Variants in EMC3 observed in about 807,000 individuals in gnomAD.
EMC3 encodes ER membrane protein complex subunit 3, also known as 30 kDa protein.
A neutral mutation model predicts 36.6 loss-of-function variants in EMC3; 13 were observed. The ratio of observed to expected loss-of-function variants is 0.35; its 90% CI spans 0.23 to 0.56. EMC3 has a LOEUF of 0.56. Ranked by LOEUF, EMC3 falls within the 20% of genes least tolerant of loss-of-function variation. The pLI is 0.84. For synonymous variants in EMC3, 120 were observed against 111.9 expected, an observed-to-expected ratio of 1.07 and a Z score of -0.46; for missense variants, 220 against 324.5, an observed-to-expected ratio of 0.68 and a Z score of 2.47.
chr3:9,971,097 AT>A lies in EMC3; in HGVS notation c.495-437del, dbSNP rs1409910275. On this transcript the variant is annotated intron_variant, in intron 5 of 7. Transcript: ENST00000245046. ...ACCACCATGCCTGGCTAATTTTTAT[AT>A]TTTTATTAGAGATGGGGTCTCACCA... 8.5e-5 allele frequency among the ~76,000 whole-genome samples: 13 copies of A among 152,090 alleles called. 1 individual carries two copies. The highest frequency in any genetic ancestry group is 8.5e-4 in the Admixed American group (13 of 15,256).
At chr3:10,003,229 G>A (rs1237677025) in intron 1 of EMC3, 1 of 456,708 alleles carries the variant, frequency 2.2e-6, no homozygotes, top group South Asian at 1.5e-5. Flanking sequence ...ATCCCAGGAA[G>A]CCAGTGTCAT....
intron 1 of EMC3, among the ~76,000 whole-genome samples, chr3:9,994,915 T>A (rs1191984035): frequency 6.6e-6 from 1 of 152,132 alleles, no homozygotes; most frequent in Non-Finnish European, 1.5e-5. Flanking sequence ...GAGGACTGTA[T>A]TTGTGGAAAA....
At chr3:9,991,099 A>T (rs531818515), upstream of EMC3, among the ~76,000 whole-genome samples, 503 of 152,206 alleles carry the variant, frequency 3.3e-3, no homozygotes, top group Non-Finnish European at 4.0e-3. Flanking sequence ...AAGTGCTGGG[A>T]TTACAGGTGT....
chr3:9,986,978 G>A (rs549236652), upstream of EMC3: 12 of 1,110,056 alleles, frequency 1.1e-5, no homozygotes, highest in East Asian at 6.1e-5. Context: ...CACTTTGGGA[G>A]GCCAAGGTGG....
intron 1 of EMC3, chr3:10,007,537 C>A (rs367752490): frequency 7.3e-7 from 1 of 1,367,656 alleles, no homozygotes; most frequent in Non-Finnish European, 9.8e-7. Flanking sequence ...AGCGCTCCCC[C>A]TCAGAGGCCT....
chr3:9,984,648 C>T (rs1207130864), intron 1 of EMC3, among the ~76,000 whole-genome samples: 4 of 152,220 alleles, frequency 2.6e-5, no homozygotes, highest in African/African-American at 9.7e-5. Context: ...GCCTCGGCCT[C>T]CCAAAGTGCT....
At chr3:10,004,676 T>A (rs1000783703) in intron 1 of EMC3, 9 of 152,562 alleles carry the variant, frequency 5.9e-5, no homozygotes, top group Admixed American at 2.6e-4. Context: ...CTGCCCTGTC[T>A]GTGCTTGCAG....
upstream of EMC3, among the ~76,000 whole-genome samples, chr3:9,990,150 G>C (rs955366740): frequency 6.7e-6 from 1 of 150,118 alleles, no homozygotes; most frequent in Non-Finnish European, 1.5e-5. Context: ...TCAGCCTCCC[G>C]AGTAGCTGGG....
chr3:10,002,326 T>G (rs916636445), intron 1 of EMC3, among the ~76,000 whole-genome samples: 1 of 151,518 alleles, frequency 6.6e-6, no homozygotes, highest in Admixed American at 6.6e-5. Context: ...TCTGGCTCTC[T>G]AACACAGGCT....
chr3:10,000,980 A>G (rs1347609837), intron 1 of EMC3: 2 of 281,310 alleles, frequency 7.1e-6, no homozygotes, highest in Non-Finnish European at 1.5e-5. Flanking sequence ...TGGGGCCACG[A>G]AGGTTGCCAC....
intron 1 of EMC3, chr3:10,004,372 C>T (rs1469999963): frequency 6.6e-6 from 1 of 152,156 alleles, no homozygotes; most frequent in African/African-American, 2.4e-5. Flanking sequence ...CCATGGGATT[C>T]CAGGCTGAGA....
intron 5 of EMC3, 155 bp downstream of exon 5, chr3:9,973,473 C>G (rs944039172): frequency 3.1e-6 from 2 of 639,608 alleles, no homozygotes; most frequent in Middle Eastern, 3.4e-4. Context: ...GGATTACAGT[C>G]GTGAGCCACT....
chr3:10,007,537 C>G, intron 1 of EMC3: 1 of 1,367,656 alleles, frequency 7.3e-7, no homozygotes, highest in Non-Finnish European at 9.8e-7. Context: ...AGCGCTCCCC[C>G]TCAGAGGCCT....
upstream of EMC3, among the ~76,000 whole-genome samples, chr3:9,990,332 T>C (rs2086033684): frequency 2.8e-5 from 4 of 144,138 alleles, no homozygotes; most frequent in African/African-American, 8.0e-5. Flanking sequence ...TCTCTTTTTT[T>C]TTTTTTTTTT....
At chr3:9,986,405 G>T in intron 1 of EMC3, 102 bp downstream of exon 1, 1 of 1,387,848 alleles carries the variant, frequency 7.2e-7, no homozygotes, top group Non-Finnish European at 1.0e-6. Context: ...CACCCTGTCA[G>T]AGGGGGCGCG....
At chr3:9,991,147 A>G (rs936514283), upstream of EMC3, among the ~76,000 whole-genome samples, 2 of 152,088 alleles carry the variant, frequency 1.3e-5, no homozygotes, top group Non-Finnish European at 2.9e-5. Flanking sequence ...TTTTTTATAG[A>G]GATGAGGTCT....
chr3:9,963,477 A>ATATATTTTTTTTTTTTTT lies in EMC3; in HGVS notation c.*591_*592insAAAAAAAAAAAAAATATA, dbSNP rs61596273. The ATATATTTTTTTTTTTTTT allele has an allele frequency of 1.1e-5, 1 of 88,926 alleles. No homozygotes were observed. The highest frequency in any genetic ancestry group is 4.7e-5 in the African/African-American group (1 of 21,328). 5.5% of individuals were successfully genotyped at this position (88,926 alleles called of 1,614,324 possible). ...TAGATATATATATATATATATATAT[A>ATATATTTTTTTTTTTTTT]TTTTTTTTTTTTTTTCAGATGGAGT... On this transcript the variant is annotated 3_prime_UTR_variant, in exon 8 of 8. Coordinates refer to ENST00000245046, the MANE Select transcript of EMC3 (RefSeq NM_001394674.1).
At chr3:10,000,939 A>T (rs1194997296) in intron 1 of EMC3, 1 of 402,072 alleles carries the variant, frequency 2.5e-6, no homozygotes, top group African/African-American at 2.1e-5. Context: ...TTTTCTCAAC[A>T]TCACTTGTAT....
At chr3:9,989,494 T>G (rs1482560223), upstream of EMC3, among the ~76,000 whole-genome samples, 2 of 152,260 alleles carry the variant, frequency 1.3e-5, no homozygotes, top group Non-Finnish European at 2.9e-5. Flanking sequence ...GCCAGATGAT[T>G]GAGTTCCTTA....
Sources: gnomAD v4.1 joint callset for allele counts (sites outside exome capture counted in the v4.1 genomes callset) on GRCh38, gnomAD v4.1.1 for gene constraint, MANE v1.5 for transcripts, NCBI Gene and HGNC (gene_info 2026-07-23, HGNC 2026-07-21) for gene names.